GRHL3: variants seen among roughly 807,000 people sequenced by gnomAD.
The protein encoded by GRHL3 is grainyhead-like protein 3 homolog.
A neutral mutation model predicts 70.3 loss-of-function variants in GRHL3; 20 were observed. The ratio of observed to expected loss-of-function variants is 0.28; its 90% confidence interval spans 0.20 to 0.41. GRHL3 has a LOEUF of 0.41. Among genes scored for constraint, GRHL3 ranks in the 10% least tolerant of loss-of-function variants. GRHL3 has a pLI of 1.00. For synonymous variants in GRHL3, 299 were observed against 299.9 expected (o/e 1.00, Z 0.03); for missense variants, 637 against 762.3 (o/e 0.84, Z 1.94).
rs531891683 is a variant in GRHL3, at chr1:24,334,269, A to T, written c.205-376A>T. Among the ~76,000 whole-genome samples, 38 of 152,340 alleles carry T rather than the reference A, an allele frequency of 2.5e-4. No homozygotes were observed. The highest frequency in any genetic ancestry group is 8.9e-4 in the African/African-American group (37 of 41,578). On this transcript the variant is annotated intron_variant, in intron 2 of 15. Transcript: ENST00000361548. The surrounding 1 kb of genome is among the most constrained non-coding windows in gnomAD (Gnocchi z 4.3). ...AAGGAAAGAGGTTTAATTGACTCAC[A>T]GTTCAGCATGGCCAGGGAGGCGTCA...
chr1:24,342,948 C>T lies in GRHL3; in HGVS notation c.1342C>T (p.Pro448Ser), dbSNP rs1396339277. Residue 448 changes from proline to serine, a missense_variant, in exon 11 of 16, where the codon CCA (proline) becomes TCA (serine). This residue lies in a region of GRHL3 where 387 missense variants were observed against 513.8 expected (regional missense o/e 0.75). Transcript: ENST00000361548. This position sits in a 1 kb window ranked among gnomAD's most constrained non-coding sequence, Gnocchi z 4.8. Reference protein sequence around the residue: ...FRGNETTYLRPETDLETPPVL... With the variant: ...FRGNETTYLRSETDLETPPVL... ...GGGCAATGAGACGACCTACCTTCGG[C>T]CAGAGACTGACCTGGAGACGCCACC... 1 of 1,614,150 alleles carries T rather than the reference C, an allele frequency of 6.2e-7. No homozygotes were observed. Among genetic ancestry groups the T allele is most frequent in the Admixed American group, 1.7e-5 (1 of 60,020 alleles).
At chr1:24,346,762 GT>G in intron 13 of GRHL3, 121 bp downstream of exon 13, 2 of 726,206 alleles carry the variant, frequency 2.8e-6, no homozygotes, top group Non-Finnish European at 4.7e-6. Flanking sequence ...TTGGAGCTAG[GT>G]TTAGGTTAAG....
At chr1:24,361,670 G>T (rs1043862669) in intron 15 of GRHL3, among the ~76,000 whole-genome samples, 1 of 152,152 alleles carries the variant, frequency 6.6e-6, no homozygotes, top group South Asian at 2.1e-4. Context: ...GAAATCAAGA[G>T]ACTCTGCATA....
At chr1:24,340,850 G>A (rs563608660) in intron 8 of GRHL3, among the ~76,000 whole-genome samples, 11 of 152,262 alleles carry the variant, frequency 7.2e-5, no homozygotes, top group South Asian at 6.2e-4. Context: ...CAGGGAGTGG[G>A]GAGTTTCGTG....
rs775030567 is a variant in GRHL3 at position 24,350,032 on chromosome 1, A to G, written c.1630-26A>G. On this transcript the variant is annotated intron_variant, in intron 14 of 15. Coordinates refer to ENST00000361548, the MANE Select transcript of GRHL3 (RefSeq NM_198173.3). ...ATAAATCTAGCGTGGGCAGCAGGCA[A>G]TGAATCACCTGTCTTTTCCTTCCAG... The G allele has an allele frequency of 1.9e-6, 3 of 1,583,756 alleles. No homozygotes were observed. The South Asian group carries it at 3.3e-5, about 18-fold the overall frequency.
At chr1:24,359,560 A>G (rs1640957892), downstream of GRHL3, among the ~76,000 whole-genome samples, 1 of 152,166 alleles carries the variant, frequency 6.6e-6, no homozygotes, top group Admixed American at 6.5e-5. This position sits in a 1 kb window ranked among gnomAD's most constrained non-coding sequence, Gnocchi z 5.3. Context: ...AGTCTGCCTT[A>G]TGTTAGTCTC....
At chr1:24,356,949 GC>G (rs908017315), downstream of GRHL3, 7 of 152,110 alleles carry the variant, frequency 4.6e-5, no homozygotes, top group African/African-American at 1.7e-4. Flanking sequence ...AAGGCTATGG[GC>G]AGGTGAGTCT....
At position 24,343,017 on chromosome 1, in the gene GRHL3, T is replaced by C; in HGVS notation, c.1411T>C (p.Ser471Pro). The C allele has an allele frequency of 1.2e-6, 2 of 1,613,642 alleles. No homozygotes were observed. The highest frequency in any genetic ancestry group is 1.7e-6 in the Non-Finnish European group (2 of 1,179,912). The change falls in exon 11 of 16, where the codon TCT becomes CCT. Residue 471 changes from serine (S) to proline (P), a missense_variant. This residue lies in a region of GRHL3 where 387 missense variants were observed against 513.8 expected (regional missense o/e 0.75). Coordinates refer to ENST00000361548, the MANE Select transcript of GRHL3 (RefSeq NM_198173.3). ...TGTGCACTTCTCCAGCCTGCAGCGC[T>C]CTGGAGGGGTGAGGCCAGGGCTGGG... ...PNVHFSSLQR[S>P]GGAAPSAGPS...
At position 24,342,506 on chromosome 1, in the gene GRHL3, G is replaced by A. The variant is rs910375040; in HGVS notation, c.1207-188G>A. On this transcript the variant is annotated intron_variant, in intron 9 of 15. Transcript: ENST00000361548. The surrounding 1 kb of genome is among the most constrained non-coding windows in gnomAD (Gnocchi z 4.8). ...CTCTCATGGCCTGTAGTGACCTCAG[G>A]CAAGCAGGGCCAGGCCCCACTGGCC... 6.6e-6 allele frequency among the ~76,000 whole-genome samples: 1 copy of A among 152,180 alleles called. No individual in the cohort carries two copies. Among genetic ancestry groups the A allele is most frequent in the Non-Finnish European group, 1.5e-5 (1 of 68,044 alleles).
chr1:24,334,772 C>G lies in GRHL3; in HGVS notation c.266+66C>G. The G allele has an allele frequency of 7.5e-7, 1 of 1,341,462 alleles. No homozygotes were observed. The highest frequency in any genetic ancestry group is 1.1e-6 in the Non-Finnish European group (1 of 945,642). The allele number at this position is 1,341,462 out of a possible 1,614,324, so 83.1% of individuals were successfully genotyped here. A position where few individuals can be genotyped will look rare whatever the true frequency, so the allele number is the denominator to read the frequency against. On this transcript the variant is annotated intron_variant, in intron 3 of 15. Transcript: ENST00000361548. This position sits in a 1 kb window ranked among gnomAD's most constrained non-coding sequence, Gnocchi z 4.3. ...ACCTCCACCTGGAGCCTCTTCCACA[C>G]AGGTTTGACTTATCCATTAGGCACA...
At chr1:24,354,278 C>T in intron 15 of GRHL3, 96 bp from the exon 16 acceptor site, 1 of 756,904 alleles carries the variant, frequency 1.3e-6, no homozygotes, top group Non-Finnish European at 2.3e-6. Context: ...GTGGCAGGTA[C>T]CCACTGGGTA....
At chr1:24,349,253 A>G (rs369404314) in intron 14 of GRHL3, among the ~76,000 whole-genome samples, 27 of 152,334 alleles carry the variant, frequency 1.8e-4, no homozygotes, top group African/African-American at 5.3e-4. Context: ...CCTCTGACCC[A>G]CAGTCTCCTC....
At chr1:24,326,437 T>C (rs945622133) in intron 1 of GRHL3, among the ~76,000 whole-genome samples, 4 of 129,642 alleles carry the variant, frequency 3.1e-5, no homozygotes, top group African/African-American at 1.1e-4. Flanking sequence ...ACCCCTCTTC[T>C]TAACCAACAT....
In GRHL3 at chr1:24,334,729, G is replaced by T. The variant is rs1639730649; in HGVS notation, c.266+23G>T. ...GAGGTGAGGCTTGCCAACACCCTCT[G>T]CCTCTTTGCCCTTCCCCACCTCCAC... On this transcript the variant is annotated intron_variant, in intron 3 of 15. Coordinates refer to ENST00000361548, the MANE Select transcript of GRHL3 (RefSeq NM_198173.3). This position sits in a 1 kb window ranked among gnomAD's most constrained non-coding sequence, Gnocchi z 4.3. The T allele has an allele frequency of 1.2e-5, 19 of 1,598,376 alleles. No individual in the cohort carries two copies. Among genetic ancestry groups the T allele is most frequent in the Non-Finnish European group, 1.5e-5 (18 of 1,170,590 alleles).
Position 24,338,024 on chromosome 1 carries a change from G to A in GRHL3, c.873G>A (p.Lys291=). The A allele has an allele frequency of 1.9e-6, 3 of 1,612,432 alleles. No homozygotes were observed. The highest frequency in any genetic ancestry group is 2.5e-6 in the Non-Finnish European group (3 of 1,179,264). The part of the protein sequence containing the change: ...SVVMVVFDNE[K]VPVEQLRFWK... ...TGATGGTTGTCTTCGACAATGAGAA[G>A]GTCCCAGTAGAGCAGCTGCGCTTCT... The change falls in exon 7 of 16, where the codon AAG becomes AAA. Residue 291 remains lysine, a synonymous_variant. Coordinates refer to ENST00000361548, the MANE Select transcript of GRHL3 (RefSeq NM_198173.3).
intron 1 of GRHL3, among the ~76,000 whole-genome samples, chr1:24,320,604 A>G (rs1001562891): frequency 6.6e-6 from 1 of 152,212 alleles, no homozygotes; most frequent in African/African-American, 2.4e-5. Context: ...ACTGCTCCTC[A>G]ACAGACTTTT....
chr1:24,344,240 T>C (rs1374680874), intron 11 of GRHL3, among the ~76,000 whole-genome samples: 1 of 152,118 alleles, frequency 6.6e-6, no homozygotes, highest in Non-Finnish European at 1.5e-5. Context: ...TCTAGAGCTC[T>C]CTGCTCTCTC....
intron 15 of GRHL3, among the ~76,000 whole-genome samples, chr1:24,362,817 G>GGAT (rs1353056462): frequency 2.0e-5 from 3 of 152,204 alleles, no homozygotes; most frequent in Admixed American, 1.3e-4. Context: ...CAGCTGGCGT[G>GGAT]GATGCTTATA....
At chr1:24,354,348 CA>C in intron 15 of GRHL3, 25 bp from the exon 16 acceptor site, 1 of 1,553,144 alleles carries the variant, frequency 6.4e-7, no homozygotes, top group Non-Finnish European at 8.9e-7. Context: ...TGCTGTGTTC[CA>C]ACCACATCCC....
Sources: allele counts gnomAD v4.1 joint callset (sites outside exome capture counted in the v4.1 genomes callset), GRCh38; gene constraint gnomAD v4.1.1; regional missense constraint gnomAD v4.1.1; non-coding constraint Gnocchi (gnomAD v3.1); transcripts MANE v1.5; gene names NCBI Gene and HGNC (gene_info 2026-07-23, HGNC 2026-07-21).